The following PDS5A variants were observed in gnomAD, a reference collection of about 807,000 sequenced individuals.
PDS5A encodes the protein PDS5 cohesin associated factor A, also known as sister chromatid cohesion protein PDS5 homolog A.
A neutral mutation model predicts 167.1 loss-of-function variants in PDS5A; 42 were observed. The ratio of observed to expected loss-of-function variants is 0.25; its 90% CI spans 0.20 to 0.33. PDS5A has a LOEUF of 0.33. Among genes scored for constraint, PDS5A ranks in the 10% least tolerant of loss-of-function variants. PDS5A has a pLI of 1.00. For missense variants in PDS5A, 1,033 were observed against 1,605.9 expected, an observed-to-expected ratio of 0.64 and a Z score of 6.10; for synonymous variants, 553 against 554.6, an observed-to-expected ratio of 1.00 and a Z score of 0.04.
chr4:39,824,303 TAA>T lies in PDS5A; in HGVS notation c.*1180_*1181del, dbSNP rs1715086704. The T allele has an allele frequency of 6.6e-6, 1 of 152,120 alleles. No homozygotes were observed. The highest frequency in any genetic ancestry group is 1.5e-5 in the Non-Finnish European group (1 of 68,016). 9.4% of individuals were successfully genotyped at this position (152,120 alleles called of 1,614,324 possible). On this transcript the variant is annotated 3_prime_UTR_variant, in exon 33 of 33. Coordinates refer to ENST00000303538, the MANE Select transcript of PDS5A (RefSeq NM_001100399.2). ...ACAAGAAAGCATATGATAAAAAGAT[TAA>T]AAAGACTGCCATGACATCTAGAAGC...
chr4:39,830,626 T>C (rs1161555062), intron 32 of PDS5A, among the ~76,000 whole-genome samples: 3 of 152,198 alleles, frequency 2.0e-5, no homozygotes, highest in African/African-American at 7.2e-5. Flanking sequence ...GGTTTCACCA[T>C]GTTGGCCAGG....
At chr4:39,963,912 T>A (rs983347826) in intron 2 of PDS5A, among the ~76,000 whole-genome samples, 2 of 151,464 alleles carry the variant, frequency 1.3e-5, no homozygotes, top group Admixed American at 1.3e-4. Context: ...AGAAATTAGC[T>A]TTTTTTTCCC....
intron 2 of PDS5A, among the ~76,000 whole-genome samples, chr4:39,938,558 A>T (rs1726876481): frequency 6.6e-6 from 1 of 151,308 alleles, no homozygotes; most frequent in Admixed American, 6.6e-5. Flanking sequence ...TGTCTCAAAA[A>T]ATACATATAT....
chr4:39,942,592 A>G (rs1406738832), intron 2 of PDS5A, among the ~76,000 whole-genome samples: 1 of 151,850 alleles, frequency 6.6e-6, no homozygotes, highest in African/African-American at 2.4e-5. Context: ...ACACTCACCT[A>G]ATTTTCGTAT....
At chr4:39,850,021 C>T (rs2109516917) in intron 26 of PDS5A, among the ~76,000 whole-genome samples, 1 of 152,086 alleles carries the variant, frequency 6.6e-6, no homozygotes, top group African/African-American at 2.4e-5. Context: ...GCCTGTAATC[C>T]TAGCACTTTG....
chr4:39,853,640 AC>A (rs926269818), intron 26 of PDS5A, among the ~76,000 whole-genome samples: 7 of 151,932 alleles, frequency 4.6e-5, no homozygotes, highest in Admixed American at 1.3e-4. Flanking sequence ...AGATCCCACC[AC>A]CCCATAAATT....
At chr4:39,825,979 T>G (rs1715267898) in intron 32 of PDS5A, among the ~76,000 whole-genome samples, 1 of 152,182 alleles carries the variant, frequency 6.6e-6, no homozygotes, top group African/African-American at 2.4e-5. Flanking sequence ...TTCCCTAAAC[T>G]ATATAAAAAC....
chr4:39,951,496 G>C (rs562603138), intron 2 of PDS5A, among the ~76,000 whole-genome samples: 1 of 151,688 alleles, frequency 6.6e-6, no homozygotes, highest in Non-Finnish European at 1.5e-5. Context: ...TGAAAATCTT[G>C]TGCTGATAAC....
At chr4:39,929,531 A>AGTTTAT (rs1725784995) in intron 2 of PDS5A, among the ~76,000 whole-genome samples, 1 of 69,846 alleles carries the variant, frequency 1.4e-5, no homozygotes, top group Admixed American at 1.8e-4. Flanking sequence ...ATATATATAT[A>AGTTTAT]TATATATATA....
chr4:39,848,162 G>A (rs1324952846), intron 28 of PDS5A: 1 of 152,126 alleles, frequency 6.6e-6, no homozygotes, highest in East Asian at 1.9e-4. Context: ...TGTCAAAAAG[G>A]TTGGGAACCA....
intron 9 of PDS5A, among the ~76,000 whole-genome samples, chr4:39,912,941 A>G (rs1346166282): frequency 2.6e-5 from 4 of 152,156 alleles, no homozygotes; most frequent in African/African-American, 9.7e-5. Context: ...TACAGACCCA[A>G]ACGACAAGCA....
At chr4:39,827,916 A>G (rs377724006) in intron 32 of PDS5A, among the ~76,000 whole-genome samples, 1 of 152,178 alleles carries the variant, frequency 6.6e-6, no homozygotes, top group Non-Finnish European at 1.5e-5. Context: ...ACAATCAGCA[A>G]ATCTATTCAG....
intron 11 of PDS5A, among the ~76,000 whole-genome samples, chr4:39,906,442 T>C (rs1723356458): frequency 6.6e-6 from 1 of 151,956 alleles, no homozygotes; most frequent in African/African-American, 2.4e-5. Context: ...GCAAACGATT[T>C]AGCTAGTTGG....
At chr4:39,939,637 TACA>T (rs1727031028) in intron 2 of PDS5A, among the ~76,000 whole-genome samples, 1 of 151,830 alleles carries the variant, frequency 6.6e-6, no homozygotes, top group Admixed American at 6.6e-5. Flanking sequence ...CTACTAAAAA[TACA>T]ACAATTAGTC....
intron 16 of PDS5A, among the ~76,000 whole-genome samples, chr4:39,891,753 T>G (rs1001947427): frequency 2.0e-5 from 3 of 152,120 alleles, no homozygotes; most frequent in African/African-American, 7.2e-5. Context: ...TGTACACCCT[T>G]AGAATTTTAT....
Position 39,863,439 on chromosome 4 carries a change from A to G in PDS5A, c.2663T>C (p.Leu888Ser). 1 of 1,605,354 alleles carries G rather than the reference A, an allele frequency of 6.2e-7. No individual in the cohort carries two copies. Among genetic ancestry groups the G allele is most frequent in the Non-Finnish European group, 8.5e-7 (1 of 1,175,730 alleles). Reference sequence around the variant, plus strand: ...TATGGCACTACCAGCAGCTAATCGCAAGCGAGACATATCAGATTTACTATA... The same window carrying G: ...TATGGCACTACCAGCAGCTAATCGCGAGCGAGACATATCAGATTTACTATA... ...KRISKSDMSR[L>S]RLAAGSAIMK... The change falls in exon 24 of 33, where the codon TTG becomes TCG. Residue 888 changes from leucine to serine, a missense_variant. Around this residue, in one of 4 missense-constraint regions of PDS5A, gnomAD observed 367 missense variants for 686.7 expected, o/e 0.53. Coordinates refer to ENST00000303538, the MANE Select transcript of PDS5A (RefSeq NM_001100399.2).
intron 2 of PDS5A, among the ~76,000 whole-genome samples, chr4:39,948,283 A>G (rs1425068999): frequency 7.4e-5 from 11 of 147,724 alleles, no homozygotes; most frequent in Admixed American, 5.4e-4. Context: ...TAGCAGCATT[A>G]TTCACAATAG....
chr4:39,841,678 A>AT (rs1230956651), intron 31 of PDS5A, among the ~76,000 whole-genome samples: 1 of 152,048 alleles, frequency 6.6e-6, no homozygotes, highest in Non-Finnish European at 1.5e-5. Context: ...CGCCCCGGTA[A>AT]TTTTTTTATT....
chr4:39,845,242 G>C (rs1236839896), intron 29 of PDS5A, among the ~76,000 whole-genome samples: 3 of 152,040 alleles, frequency 2.0e-5, no homozygotes, highest in Non-Finnish European at 2.9e-5. Context: ...ATTGTGTTTG[G>C]TTGCCTTAAT....
Sources: gnomAD v4.1 joint callset for allele counts (sites outside exome capture counted in the v4.1 genomes callset) on GRCh38, gnomAD v4.1.1 for gene constraint, gnomAD v4.1.1 regional missense constraint, MANE v1.5 for transcripts, NCBI Gene and HGNC (gene_info 2026-07-23, HGNC 2026-07-21) for gene names.